The following CNGA1 variants were observed in gnomAD, a reference collection of about 807,000 sequenced individuals.
The protein encoded by CNGA1 is cyclic nucleotide-gated channel alpha-1.
CNGA1 carries 53 observed loss-of-function variants against 69.7 expected under a neutral mutation model. The observed-to-expected ratio is 0.76, with a 90% CI of 0.61 to 0.96. The LOEUF (loss-of-function observed/expected upper bound fraction) is 0.96. CNGA1 is among the 40% of genes least tolerant of loss of function. The pLI, the probability that CNGA1 is intolerant of heterozygous loss-of-function variation, is 0.00. For missense variants in CNGA1, 739 were observed against 811.2 expected (o/e 0.91, Z 1.08); for synonymous variants, 249 against 283.5 (o/e 0.88, Z 1.22).
At chr4:48,005,195 G>C (rs1449430629) in intron 2 of CNGA1, among the ~76,000 whole-genome samples, 1 of 152,002 alleles carries the variant, frequency 6.6e-6, no homozygotes, top group Non-Finnish European at 1.5e-5. Flanking sequence ...TCAGCTCACT[G>C]CAACCTCCGC....
chr4:47,992,222 G>T (rs1560309439), intron 2 of CNGA1, among the ~76,000 whole-genome samples: 1 of 151,994 alleles, frequency 6.6e-6, no homozygotes, highest in African/African-American at 2.4e-5. Context: ...GTATTTTGAT[G>T]GGAATTGCAT....
chr4:47,953,254 G>GT (rs1348657103), intron 3 of CNGA1, among the ~76,000 whole-genome samples: 1 of 152,222 alleles, frequency 6.6e-6, no homozygotes, highest in East Asian at 1.9e-4. Flanking sequence ...CCATTGACCA[G>GT]TTTTTTGTAA....
chr4:47,969,076 A>G (rs770829375), intron 3 of CNGA1, among the ~76,000 whole-genome samples: 1 of 152,164 alleles, frequency 6.6e-6, no homozygotes, highest in Non-Finnish European at 1.5e-5. Context: ...AGACTAATAT[A>G]GTAGTTTTGT....
At position 47,969,828 on chromosome 4, in the gene CNGA1, C is replaced by T. The variant is rs1459625624; in HGVS notation, c.-15+11565G>A. Among the ~76,000 whole-genome samples, 3 of 152,240 alleles carry T rather than the reference C, an allele frequency of 2.0e-5. No individual in the cohort carries two copies. In the East Asian group the frequency reaches 5.8e-4, roughly 29 times the overall value. ...TATAATCCTACCATCTTCCATCATT[C>T]CTTCCATTCTTGCTTCTTGAGACAA... On this transcript the variant is annotated intron_variant, in intron 3 of 10. Coordinates refer to ENST00000514170, the MANE Select transcript of CNGA1 (RefSeq NM_001379270.1).
At chr4:47,975,698 A>G (rs996853341) in intron 3 of CNGA1, among the ~76,000 whole-genome samples, 10 of 152,166 alleles carry the variant, frequency 6.6e-5, no homozygotes, top group African/African-American at 1.9e-4. Flanking sequence ...ATAAGCATTA[A>G]AAAGTTATTA....
At chr4:47,955,161 CTT>C (rs1364892435) in intron 3 of CNGA1, among the ~76,000 whole-genome samples, 1 of 132,340 alleles carries the variant, frequency 7.6e-6, no homozygotes, top group Non-Finnish European at 1.6e-5. Flanking sequence ...TTCTCTGTCT[CTT>C]TTTTCTTTTC....
chr4:47,982,379 T>C (rs1159568533), intron 2 of CNGA1, among the ~76,000 whole-genome samples: 2 of 152,288 alleles, frequency 1.3e-5, no homozygotes, highest in East Asian at 3.9e-4. Flanking sequence ...TCCAGTAGCG[T>C]AGGAGGCTCT....
At chr4:47,953,502 A>G (rs997379510) in intron 3 of CNGA1, among the ~76,000 whole-genome samples, 3 of 152,218 alleles carry the variant, frequency 2.0e-5, no homozygotes, top group Non-Finnish European at 4.4e-5. Flanking sequence ...TTTAGAGGAA[A>G]GAGAGATAAA....
chr4:48,005,494 T>C (rs1313539470), intron 2 of CNGA1, among the ~76,000 whole-genome samples: 2 of 152,238 alleles, frequency 1.3e-5, no homozygotes, highest in Non-Finnish European at 1.5e-5. Context: ...GGCTTTTAAA[T>C]TGGCTTTGAT....
chr4:47,950,004 C>T (rs570192727), intron 5 of CNGA1, 109 bp from the exon 6 acceptor site: 2 of 861,436 alleles, frequency 2.3e-6, no homozygotes, highest in Non-Finnish European at 3.9e-6. Flanking sequence ...CTACTCATTA[C>T]TAAAGACTAT....
chr4:47,945,230 T>TA (rs1330095907), intron 6 of CNGA1, among the ~76,000 whole-genome samples: 1 of 152,096 alleles, frequency 6.6e-6, no homozygotes, highest in Non-Finnish European at 1.5e-5. Flanking sequence ...ATTTAAATTT[T>TA]AAAAAAATCA....
intron 2 of CNGA1, among the ~76,000 whole-genome samples, chr4:47,994,332 T>C (rs565363028): frequency 6.6e-6 from 1 of 152,298 alleles, no homozygotes; most frequent in South Asian, 2.1e-4. Flanking sequence ...AGTCTATTAG[T>C]AATTGCTTTA....
At chr4:47,957,724 T>G in intron 3 of CNGA1, among the ~76,000 whole-genome samples, 1 of 152,186 alleles carries the variant, frequency 6.6e-6, no homozygotes, top group East Asian at 1.9e-4. Context: ...AGTTTAGCAA[T>G]GATAAGAAAC....
rs1715387367 is a variant in CNGA1 at position 48,016,479 on chromosome 4, T to A, written c.-223+4A>T. 3.1e-6 allele frequency: 1 copy of A among 317,476 alleles called. No homozygotes were observed. Among genetic ancestry groups the A allele is most frequent in the African/African-American group, 2.2e-5 (1 of 45,018 alleles). The allele number at this position is 317,476 out of a possible 1,614,324, so 19.7% of individuals were successfully genotyped here. ...CCTCCACTCCACTCAATTCCCGGAG[T>A]TACCTTGGCGGGCTCCACGCTCCGA... On this transcript the variant is annotated splice_donor_region_variant and intron_variant, in intron 1 of 10. Coordinates refer to ENST00000514170, the MANE Select transcript of CNGA1 (RefSeq NM_001379270.1).
chr4:47,954,487 G>C (rs1415882888), intron 3 of CNGA1, among the ~76,000 whole-genome samples: 1 of 152,176 alleles, frequency 6.6e-6, no homozygotes, highest in Non-Finnish European at 1.5e-5. Flanking sequence ...CGGCGGGGGA[G>C]GGGACCAAAC....
chr4:48,012,544 C>T (rs1466614440), intron 1 of CNGA1, among the ~76,000 whole-genome samples: 1 of 140,224 alleles, frequency 7.1e-6, no homozygotes, highest in Non-Finnish European at 1.5e-5. Flanking sequence ...CCATTTTCCT[C>T]CCCACCACAC....
intron 2 of CNGA1, among the ~76,000 whole-genome samples, chr4:47,988,485 C>G (rs1742086501): frequency 1.3e-5 from 2 of 151,780 alleles, no homozygotes; most frequent in African/African-American, 4.8e-5. Context: ...AGAGTAGCAA[C>G]ATTAATAATG....
intron 6 of CNGA1, 103 bp from the exon 7 acceptor site, chr4:47,943,515 G>C: frequency 1.4e-6 from 1 of 731,944 alleles, no homozygotes; most frequent in South Asian, 2.2e-5. Context: ...TCAAAGACCT[G>C]CTCCAGTGCT....
chr4:47,970,773 T>G, intron 3 of CNGA1: 1 of 402,710 alleles, frequency 2.5e-6, no homozygotes, highest in Non-Finnish European at 4.9e-6. Flanking sequence ...TCTGGTACCT[T>G]GTTATTTTTA....
Sources: gnomAD v4.1 joint callset for allele counts (sites outside exome capture counted in the v4.1 genomes callset) on GRCh38, gnomAD v4.1.1 for gene constraint, MANE v1.5 for transcripts, NCBI Gene and HGNC (gene_info 2026-07-23, HGNC 2026-07-21) for gene names.